The following SYNE1 variants were observed in gnomAD, a reference collection of about 807,000 sequenced individuals.
The protein encoded by SYNE1 is spectrin repeat containing nuclear envelope protein 1.
In SYNE1, 616 loss-of-function variants were observed where a neutral mutation model predicts 1,111.0. The observed-to-expected ratio is 0.55, with a 90% confidence interval of 0.52 to 0.59. The LOEUF (loss-of-function observed/expected upper bound fraction) is 0.59. Among genes scored for constraint, SYNE1 ranks in the 20% least tolerant of loss-of-function variants. The pLI, the probability that SYNE1 is intolerant of heterozygous loss-of-function variation, is 0.00. For synonymous variants in SYNE1, 3,855 were observed against 3,825.8 expected (o/e 1.01, Z -0.28); for missense variants, 10,006 against 10,417.0 (o/e 0.96, Z 1.72).
At chr6:152,188,374 C>G (rs2635430) in intron 128 of SYNE1, among the ~76,000 whole-genome samples, 60,275 of 151,914 alleles carry the variant, frequency 0.4, 12,198 homozygotes, top group African/African-American at 0.49. Context: ...GCCTTTCCAC[C>G]AATCTTTCCC....
chr6:152,346,581 T>C (rs7743294), intron 73 of SYNE1, among the ~76,000 whole-genome samples: 5 of 151,498 alleles, frequency 3.3e-5, no homozygotes, highest in South Asian at 2.1e-4. Flanking sequence ...GAGGCAGAGG[T>C]GGGCGGATCA....
intron 3 of SYNE1, among the ~76,000 whole-genome samples, chr6:152,553,461 G>T (rs1157524804): frequency 6.6e-6 from 1 of 152,100 alleles, no homozygotes. Flanking sequence ...TATTAAAAAC[G>T]ATATGGCCAG....
At chr6:152,277,019 T>C (rs943948256) in intron 98 of SYNE1, among the ~76,000 whole-genome samples, 2 of 151,202 alleles carry the variant, frequency 1.3e-5, no homozygotes, top group Admixed American at 1.3e-4. Context: ...GCTTCCCAAG[T>C]AGCTGGGACT....
At position 152,397,073 on chromosome 6, in the gene SYNE1, A is replaced by G. The variant is rs567740874; in HGVS notation, c.7351-93T>C. 3.7e-5 allele frequency: 49 copies of G among 1,330,294 alleles called. No individual in the cohort carries two copies. In the African/African-American group the frequency reaches 4.9e-4, roughly 13 times the overall value. The allele number at this position is 1,330,294 out of a possible 1,614,324, so 82.4% of individuals were successfully genotyped here. The stretch of plus-strand genomic sequence containing the variant: ...AGCAGGAGAAGAAAAACAGAGTCCA[A>G]AGGAAAATGGCTTAACAAGGCTGGA... On this transcript the variant is annotated intron_variant, in intron 49 of 145. Coordinates refer to ENST00000367255, the MANE Select transcript of SYNE1 (RefSeq NM_182961.4).
rs1224802819 is a variant in SYNE1, at chr6:152,545,220, T to G, written c.68-5199A>C. ...TTTTCATCAGAATCATAAAATATCATAAAGAGCAAAATAGTAAATGTCTAG... is the reference window on the plus strand; with the variant it reads ...TTTTCATCAGAATCATAAAATATCAGAAAGAGCAAAATAGTAAATGTCTAG... On this transcript the variant is annotated intron_variant, in intron 3 of 145. Transcript: ENST00000367255. 2.6e-5 allele frequency among the ~76,000 whole-genome samples: 4 copies of G among 152,286 alleles called. No homozygotes were observed. The East Asian group carries it at 7.7e-4, about 29-fold the overall frequency.
chr6:152,168,789 A>G (rs2153067991), intron 130 of SYNE1, among the ~76,000 whole-genome samples: 1 of 152,274 alleles, frequency 6.6e-6, no homozygotes, highest in East Asian at 1.9e-4. Context: ...CTATTTGGGG[A>G]GGAAAAATAA....
In SYNE1 at chr6:152,354,761, C is replaced by T. The variant is rs2096804481; in HGVS notation, c.10824G>A (p.Gln3608=). 1.2e-6 allele frequency: 2 copies of T among 1,614,216 alleles called. No individual in the cohort carries two copies. The highest frequency in any genetic ancestry group is 1.1e-5 in the South Asian group (1 of 91,080). ...CTGTTTTGAGCCATTCATCTACTTGCTGAAACTTTTGCTCCATTAGCCTCA... is the reference window on the plus strand; with the variant it reads ...CTGTTTTGAGCCATTCATCTACTTGTTGAAACTTTTGCTCCATTAGCCTCA... The part of the protein sequence containing the change: ...NKLRLMEQKF[Q]QVDEWLKTAE... Residue 3608 remains glutamine, a synonymous_variant, in exon 67 of 146, where the codon CAG becomes CAA. Transcript: ENST00000367255.
intron 21 of SYNE1, among the ~76,000 whole-genome samples, chr6:152,459,875 G>A (rs574808484): frequency 6.6e-6 from 1 of 152,306 alleles, no homozygotes; most frequent in East Asian, 1.9e-4. Flanking sequence ...TTGCTCTACT[G>A]TTAAACATAG....
chr6:152,406,064 G>A (rs1401224060), intron 45 of SYNE1, among the ~76,000 whole-genome samples: 3 of 151,994 alleles, frequency 2.0e-5, no homozygotes, highest in South Asian at 4.1e-4. Context: ...TATTTTCAAT[G>A]TCTAAAACAG....
chr6:152,413,623 C>T (rs1223640782), intron 41 of SYNE1, 92 bp from the exon 42 acceptor site: 2 of 1,247,662 alleles, frequency 1.6e-6, no homozygotes, highest in Admixed American at 2.0e-5. Flanking sequence ...CCATAAAGCA[C>T]TCATTTAGAC....
At chr6:152,483,575 G>A (rs775812045) in intron 13 of SYNE1, among the ~76,000 whole-genome samples, 4 of 152,162 alleles carry the variant, frequency 2.6e-5, no homozygotes, top group Non-Finnish European at 5.9e-5. Flanking sequence ...TGAAAGGGAA[G>A]GGATCAGGTT....
intron 98 of SYNE1, among the ~76,000 whole-genome samples, chr6:152,275,209 T>C (rs923578151): frequency 1.3e-5 from 2 of 152,078 alleles, no homozygotes; most frequent in African/African-American, 4.8e-5. Flanking sequence ...GCCCTGCCAA[T>C]GTATTAGTTT....
chr6:152,512,386 A>T (rs1449469269), intron 6 of SYNE1, among the ~76,000 whole-genome samples: 1 of 152,144 alleles, frequency 6.6e-6, no homozygotes, highest in African/African-American at 2.4e-5. Flanking sequence ...AAGAACATCA[A>T]TTTTTTTAAC....
intron 6 of SYNE1, chr6:152,511,579 C>T (rs2099085192): frequency 6.2e-7 from 1 of 1,612,710 alleles, no homozygotes; most frequent in Non-Finnish European, 8.5e-7. Flanking sequence ...ACCGGTGATC[C>T]TCTGTGCATG....
At chr6:152,136,940 G>T in intron 140 of SYNE1, 122 bp from the exon 141 acceptor site, 2 of 1,024,034 alleles carry the variant, frequency 2.0e-6, no homozygotes, top group Non-Finnish European at 3.0e-6. Flanking sequence ...GGATGGCTAG[G>T]TAAAAGACAG....
intron 118 of SYNE1, 80 bp downstream of exon 118, chr6:152,221,346 A>G (rs1229100557): frequency 3.2e-6 from 5 of 1,544,514 alleles, no homozygotes; most frequent in Non-Finnish European, 4.4e-6. Context: ...CTCAAATTCA[A>G]ACTGTCATTG....
chr6:152,205,995 T>G (rs560325063), intron 126 of SYNE1, among the ~76,000 whole-genome samples, 173 bp downstream of exon 126: 2 of 152,316 alleles, frequency 1.3e-5, no homozygotes, highest in African/African-American at 4.8e-5. Context: ...ATTGGGAAAC[T>G]TTTCCAGTTT....
At chr6:152,244,413 T>C (rs2153571331) in intron 106 of SYNE1, 124 bp downstream of exon 106, 1 of 1,459,696 alleles carries the variant, frequency 6.9e-7, no homozygotes, top group Non-Finnish European at 9.5e-7. Flanking sequence ...AGTTGCTTGG[T>C]AGAAAGGTTA....
intron 42 of SYNE1, among the ~76,000 whole-genome samples, chr6:152,411,915 G>C (rs2098059657): frequency 6.6e-6 from 1 of 152,128 alleles, no homozygotes; most frequent in African/African-American, 2.4e-5. Context: ...TTCTTATAAA[G>C]TTAAACATAT....
Sources: allele counts gnomAD v4.1 joint callset (sites outside exome capture counted in the v4.1 genomes callset), GRCh38; gene constraint gnomAD v4.1.1; transcripts MANE v1.5; gene names NCBI Gene and HGNC (gene_info 2026-07-23, HGNC 2026-07-21).